COG1: variants seen among roughly 807,000 people sequenced by gnomAD.
COG1 encodes component of oligomeric golgi complex 1, also known as conserved oligomeric Golgi complex subunit 1.
COG1 carries 61 observed loss-of-function variants against 102.2 expected under a neutral mutation model. That is an observed-to-expected ratio of 0.60 (90% confidence interval 0.49 to 0.74). COG1 has a LOEUF of 0.74. Among genes scored for constraint, COG1 ranks in the 30% least tolerant of loss-of-function variants. The pLI, the probability that COG1 is intolerant of heterozygous loss-of-function variation, is 0.00. For missense variants in COG1, 1,164 were observed against 1,232.1 expected, an observed-to-expected ratio of 0.94 and a Z score of 0.83; for synonymous variants, 454 against 493.6, an observed-to-expected ratio of 0.92 and a Z score of 1.06.
chr17:73,199,834 T>C, intron 4 of COG1, 31 bp from the exon 5 acceptor site: 1 of 1,613,848 alleles, frequency 6.2e-7, no homozygotes, highest in Non-Finnish European at 8.5e-7. Flanking sequence ...AAGGGTGGCC[T>C]AGATGGCTTC....
chr17:73,206,096 T>C, intron 10 of COG1, 58 bp from the exon 11 acceptor site: 1 of 1,337,394 alleles, frequency 7.5e-7, no homozygotes, highest in Non-Finnish European at 1.1e-6. Context: ...TAGGATATCA[T>C]AAGATTGTTT....
rs897627689 is a variant in COG1, at chr17:73,207,818, T to C, written c.2806-496T>C. ...CTTCTTACAGCATCGAGTTGTTTGC[T>C]TTATTGTTAGACACAATATTAGCAG... On this transcript the variant is annotated intron_variant, in intron 13 of 13. Coordinates refer to ENST00000299886, the MANE Select transcript of COG1 (RefSeq NM_018714.3). 12 of 1,282,562 alleles carry C rather than the reference T, an allele frequency of 9.4e-6. No homozygotes were observed. In the African/African-American group the frequency reaches 1.5e-4, roughly 16 times the overall value. 79.4% of individuals were successfully genotyped at this position (1,282,562 alleles called of 1,614,324 possible). A position where few individuals can be genotyped will look rare whatever the true frequency, so the allele number is the denominator to read the frequency against.
chr17:73,204,453 G>A (rs906656974), intron 9 of COG1, among the ~76,000 whole-genome samples: 3 of 152,160 alleles, frequency 2.0e-5, no homozygotes, highest in Non-Finnish European at 4.4e-5. Context: ...GACACACAGA[G>A]GTGCTTACTT....
At position 73,197,334 on chromosome 17, in the gene COG1, C is replaced by T; in HGVS notation, c.851C>T (p.Pro284Leu). ...YTLPEGLLPDPALPCGLLFST... is the reference protein window; with the variant it reads ...YTLPEGLLPDLALPCGLLFST... ...TTGCCAGAAGGACTGCTGCCAGATC[C>T]AGCCCTGCCATGTGGCTTGCTCTTC... Residue 284 changes from proline to leucine, a missense_variant, in exon 4 of 14, where the codon CCA becomes CTA. Transcript: ENST00000299886. 1.2e-6 allele frequency: 2 copies of T among 1,614,212 alleles called. No homozygotes were observed. Among genetic ancestry groups the T allele is most frequent in the South Asian group, 1.1e-5 (1 of 91,082 alleles).
chr17:73,207,740 G>A (rs1451107802), intron 13 of COG1: 1 of 1,291,688 alleles, frequency 7.7e-7, no homozygotes, highest in Non-Finnish European at 1.0e-6. Flanking sequence ...ATCCTCCTGG[G>A]TATTTCTGAA....
chr17:73,197,161 G>A, intron 3 of COG1, 65 bp from the exon 4 acceptor site: 1 of 1,612,924 alleles, frequency 6.2e-7, no homozygotes, highest in Non-Finnish European at 8.5e-7. Flanking sequence ...GAAGCCTCCA[G>A]AGCGTCCTCT....
At chr17:73,205,811 C>A in intron 10 of COG1, 131 bp downstream of exon 10, 2 of 1,245,842 alleles carry the variant, frequency 1.6e-6, no homozygotes, top group Non-Finnish European at 2.3e-6. Flanking sequence ...AGTAAGTGCT[C>A]ATATTGCCAG....
At chr17:73,206,044 A>G in intron 10 of COG1, 110 bp from the exon 11 acceptor site, 1 of 908,556 alleles carries the variant, frequency 1.1e-6, no homozygotes, top group South Asian at 1.4e-5. Context: ...CTAAGCCAGC[A>G]ACTAAGTAGA....
intron 1 of COG1, among the ~76,000 whole-genome samples, chr17:73,195,642 G>A (rs779823185): frequency 6.6e-5 from 10 of 151,550 alleles, no homozygotes; most frequent in African/African-American, 1.7e-4. Flanking sequence ...GGCTGGGCGC[G>A]GTGGCTCAGG....
In COG1 at chr17:73,196,961, G is replaced by A. The variant is rs1312435995; in HGVS notation, c.622G>A (p.Val208Met). Reference sequence around the variant, plus strand: ...ATGCCAAGGTGTGTCTGACCAAGCTGTGGCCGAGGCCCTGTGCTCTATAAT... The same window carrying A: ...ATGCCAAGGTGTGTCTGACCAAGCTATGGCCGAGGCCCTGTGCTCTATAAT... Reference protein sequence around the residue: ...LKCQGVSDQAVAEALCSIMLL... With the variant: ...LKCQGVSDQAMAEALCSIMLL... Residue 208 changes from valine (V) to methionine (M), a missense_variant, in exon 3 of 14, where the codon GTG becomes ATG. Physicochemically the swap from Val to Met is conservative, Grantham distance 21. Transcript: ENST00000299886. 15 of 1,614,208 alleles carry A rather than the reference G, an allele frequency of 9.3e-6. No homozygotes were observed. The highest frequency in any genetic ancestry group is 1.3e-5 in the Non-Finnish European group (15 of 1,180,042).
intron 12 of COG1, 64 bp from the exon 13 acceptor site, chr17:73,207,117 A>AAAGG (rs1568299355): frequency 9.6e-7 from 1 of 1,046,242 alleles, no homozygotes; most frequent in African/African-American, 1.7e-5. Flanking sequence ...AAAAAAAATG[A>AAAGG]GGCTTCTGCT....
At chr17:73,206,053 G>A in intron 10 of COG1, 101 bp from the exon 11 acceptor site, 1 of 997,580 alleles carries the variant, frequency 1.0e-6, no homozygotes, top group Non-Finnish European at 1.6e-6. Flanking sequence ...CAACTAAGTA[G>A]AATAAAACCC....
rs1442993230 is a variant in COG1, at chr17:73,201,310, CG to C, written c.1487del (p.Gly496ValfsTer10). 3 of 1,614,080 alleles carry C rather than the reference CG, an allele frequency of 1.9e-6. No individual in the cohort carries two copies. In the African/African-American group the frequency reaches 4.0e-5, roughly 22 times the overall value. On this transcript the variant is annotated frameshift_variant, in exon 7 of 14. Transcript: ENST00000299886. LOFTEE classifies it high-confidence loss of function. ...TGCGGCCTGGGTCAGCGTGGCAAAC[CG>C]GGGTCAGTTTGCCAGTAGCGGCCTC... is the stretch of plus-strand genomic sequence containing the variant. ...SDAAWVSVAN[R>X]GQFASSGLSM...
At chr17:73,199,805 T>G (rs1568296132) in intron 4 of COG1, 60 bp from the exon 5 acceptor site, 1 of 1,607,538 alleles carries the variant, frequency 6.2e-7, no homozygotes, top group Non-Finnish European at 8.5e-7. Context: ...CCTAACTCCC[T>G]GTTTCAATAT....
At chr17:73,206,658 C>G in intron 11 of COG1, 50 bp from the exon 12 acceptor site, 1 of 1,088,516 alleles carries the variant, frequency 9.2e-7, no homozygotes, top group African/African-American at 1.7e-5. Flanking sequence ...TTTTTTTTGC[C>G]TTTCTTTTAC....
rs779170506 is a variant in COG1 at position 73,193,066 on chromosome 17, C to T, written c.-4C>T. On this transcript the variant is annotated 5_prime_UTR_variant, in exon 1 of 14. Coordinates refer to ENST00000299886, the MANE Select transcript of COG1 (RefSeq NM_018714.3). ...GTAGATCGCCGGGGGCTGACGAGTG[C>T]ACCATGGCCACCGCGGCAACCTCAC... The T allele has an allele frequency of 1.3e-6, 2 of 1,511,592 alleles. No individual in the cohort carries two copies. Among genetic ancestry groups the T allele is most frequent in the East Asian group, 2.8e-5 (1 of 35,120 alleles). The allele number at this position is 1,511,592 out of a possible 1,614,324, so 93.6% of individuals were successfully genotyped here.
chr17:73,195,855 A>G (rs558652714), intron 1 of COG1, among the ~76,000 whole-genome samples: 21 of 152,328 alleles, frequency 1.4e-4, no homozygotes, highest in African/African-American at 4.8e-4. Flanking sequence ...TTGATTCCCA[A>G]AATAATTGTG....
In COG1 at chr17:73,194,303, G is replaced by A. The variant is rs371145667; in HGVS notation, c.315+919G>A. Among the ~76,000 whole-genome samples, 23 of 147,462 alleles carry A rather than the reference G, an allele frequency of 1.6e-4. No homozygotes were observed. In the South Asian group the frequency reaches 4.9e-3, roughly 31 times the overall value. Reference sequence around the variant, plus strand: ...TAAAAATACACAAAATTAGCCAGGCGTGGTGGCCGGCGCCTGTAGTCCCAG... The same window carrying A: ...TAAAAATACACAAAATTAGCCAGGCATGGTGGCCGGCGCCTGTAGTCCCAG... On this transcript the variant is annotated intron_variant, in intron 1 of 13. Coordinates refer to ENST00000299886, the MANE Select transcript of COG1 (RefSeq NM_018714.3).
chr17:73,193,110 A>C lies in COG1; in HGVS notation c.41A>C (p.Asp14Ala). The stretch of plus-strand genomic sequence containing the variant: ...ACCTCACCCGCGCTGAAGCGGCTGG[A>C]TCTGCGCGACCCTGCGGCTCTTTTC... ...AATSPALKRL[D>A]LRDPAALFET... Residue 14 changes from aspartate (D) to alanine (A), a missense_variant, in exon 1 of 14, where the codon GAT (aspartate) becomes GCT (alanine). Coordinates refer to ENST00000299886, the MANE Select transcript of COG1 (RefSeq NM_018714.3). The C allele has an allele frequency of 1.2e-6, 2 of 1,611,784 alleles. No homozygotes were observed. Among genetic ancestry groups the C allele is most frequent in the Non-Finnish European group, 1.7e-6 (2 of 1,179,546 alleles).
Sources: gnomAD v4.1 joint callset for allele counts (sites outside exome capture counted in the v4.1 genomes callset) on GRCh38, gnomAD v4.1.1 for gene constraint, MANE v1.5 for transcripts, NCBI Gene and HGNC (gene_info 2026-07-23, HGNC 2026-07-21) for gene names.